The following NBAS variants were observed in gnomAD, a reference collection of about 807,000 sequenced individuals.
NBAS encodes the protein NBAS subunit of NRZ tethering complex, also known as NAG/BC035112 fusion.
In NBAS, 219 loss-of-function variants were observed where a neutral mutation model predicts 302.5. That is an observed-to-expected ratio of 0.72 (90% confidence interval 0.65 to 0.81). NBAS has a LOEUF of 0.81. Among genes scored for constraint, NBAS ranks in the 30% least tolerant of loss-of-function variants. The pLI is 0.00. For synonymous variants in NBAS, 1,118 were observed against 1,021.6 expected, an observed-to-expected ratio of 1.09 and a Z score of -1.80; for missense variants, 2,932 against 2,841.6, an observed-to-expected ratio of 1.03 and a Z score of -0.72.
intron 47 of NBAS, among the ~76,000 whole-genome samples, chr2:15,219,760 A>AT (rs577389885): frequency 0.066 from 8,301 of 126,508 alleles, 146 homozygotes; most frequent in East Asian, 0.12. Context: ...CGATTTCTCA[A>AT]TTTTTTCCCC....
chr2:15,012,025 A>G, the NBAS span, among the ~76,000 whole-genome samples: 1 of 152,192 alleles, frequency 6.6e-6, no homozygotes, highest in Non-Finnish European at 1.5e-5. Flanking sequence ...GCAAGGAAAC[A>G]TGACACCTCC....
chr2:15,457,165 A>C (rs7598936), intron 21 of NBAS, among the ~76,000 whole-genome samples: 1 of 151,704 alleles, frequency 6.6e-6, no homozygotes, highest in South Asian at 2.1e-4. Context: ...GCCTCCTAAC[A>C]GCTGGCTGAA....
At chr2:15,417,765 T>C (rs1365800829) in intron 23 of NBAS, 53 bp from the exon 24 acceptor site, 1 of 1,542,522 alleles carries the variant, frequency 6.5e-7, no homozygotes, top group African/African-American at 1.4e-5. Flanking sequence ...TTCTCATCTA[T>C]TCTAAAGTAA....
At chr2:15,063,421 A>G in the NBAS span, among the ~76,000 whole-genome samples, 1 of 151,864 alleles carries the variant, frequency 6.6e-6, no homozygotes, top group African/African-American at 2.4e-5. Context: ...TTCTTTAGGT[A>G]TCTCCATCTA....
intron 21 of NBAS, among the ~76,000 whole-genome samples, chr2:15,455,894 A>G (rs1306676682): frequency 6.6e-6 from 1 of 152,080 alleles, no homozygotes; most frequent in Non-Finnish European, 1.5e-5. Context: ...TGAAAAATCT[A>G]AATAATCTTT....
At chr2:15,415,421 C>A in intron 25 of NBAS, 125 bp downstream of exon 25, 1 of 853,398 alleles carries the variant, frequency 1.2e-6, no homozygotes, top group Non-Finnish European at 1.9e-6. Flanking sequence ...AATAAAATGA[C>A]AATCATTTGT....
At chr2:15,069,183 G>A in the NBAS span, among the ~76,000 whole-genome samples, 5 of 152,144 alleles carry the variant, frequency 3.3e-5, no homozygotes, top group Non-Finnish European at 4.4e-5. Flanking sequence ...CTTTTGGAGG[G>A]GACAGATATT....
chr2:15,529,562 C>T (rs1160415694), intron 9 of NBAS, among the ~76,000 whole-genome samples: 1 of 151,970 alleles, frequency 6.6e-6, no homozygotes, highest in Non-Finnish European at 1.5e-5. Flanking sequence ...AGGAAGAAAC[C>T]TCACTTAAAC....
At chr2:14,795,189 C>A in the NBAS span, among the ~76,000 whole-genome samples, 1 of 152,012 alleles carries the variant, frequency 6.6e-6, no homozygotes, top group Non-Finnish European at 1.5e-5. Context: ...AAGTGTTTTC[C>A]AAAGTGTTGT....
chr2:15,475,890 G>GA lies in NBAS; in HGVS notation c.1148-11dup. 1 of 1,602,260 alleles carries GA rather than the reference G, an allele frequency of 6.2e-7. No individual in the cohort carries two copies. The highest frequency in any genetic ancestry group is 1.1e-5 in the South Asian group (1 of 90,092). On this transcript the variant is annotated splice_polypyrimidine_tract_variant and intron_variant, in intron 13 of 51. Transcript: ENST00000281513. ...TAAAAGGACTCTTTATCTAAGAAGC[G>GA]AAAAACAAATCAATACAAATGCATC...
intron 51 of NBAS, among the ~76,000 whole-genome samples, chr2:15,176,651 G>A (rs942929028): frequency 4.6e-5 from 7 of 152,168 alleles, no homozygotes; most frequent in African/African-American, 7.2e-5. Flanking sequence ...ATACTTACTT[G>A]TTGAGTATTC....
the NBAS span, among the ~76,000 whole-genome samples, chr2:14,820,791 C>A: frequency 6.6e-6 from 1 of 152,186 alleles, no homozygotes; most frequent in Admixed American, 6.5e-5. Flanking sequence ...TAGGATGGAG[C>A]CTGAACAGTC....
At chr2:15,377,921 C>T (rs1038456335) in intron 30 of NBAS, among the ~76,000 whole-genome samples, 1 of 152,170 alleles carries the variant, frequency 6.6e-6, no homozygotes, top group Non-Finnish European at 1.5e-5. Flanking sequence ...TATTTAAATA[C>T]TGAGTGGATA....
intron 35 of NBAS, among the ~76,000 whole-genome samples, chr2:15,348,549 C>T (rs535978042): frequency 1.1e-4 from 16 of 152,096 alleles, no homozygotes; most frequent in African/African-American, 3.9e-4. Flanking sequence ...AAAGAACAAG[C>T]GGGTTCCAAA....
the NBAS span, among the ~76,000 whole-genome samples, chr2:15,144,051 A>ATATATATATATTATCC: frequency 1.5e-4 from 21 of 136,560 alleles, 3 homozygotes; most frequent in East Asian, 1.6e-3. Context: ...ATATAAAAAT[A>ATATATATATATTATCC]TATATATATA....
intron 26 of NBAS, among the ~76,000 whole-genome samples, chr2:15,400,872 A>T (rs555009257): frequency 2.6e-5 from 4 of 152,338 alleles, no homozygotes; most frequent in African/African-American, 9.6e-5. Context: ...CACATTCAGT[A>T]GTTGTCTTAC....
At chr2:15,398,938 A>G (rs902757098) in intron 26 of NBAS, among the ~76,000 whole-genome samples, 1 of 152,194 alleles carries the variant, frequency 6.6e-6, no homozygotes, top group Admixed American at 6.5e-5. Context: ...TGAAGCCAAG[A>G]AAAGCTTTTG....
At chr2:15,269,384 T>C (rs1669218413) in intron 44 of NBAS, among the ~76,000 whole-genome samples, 1 of 152,220 alleles carries the variant, frequency 6.6e-6, no homozygotes, top group Non-Finnish European at 1.5e-5. Context: ...CAGGGTTGCC[T>C]ATTTGAATTG....
chr2:15,043,483 T>C, the NBAS span, among the ~76,000 whole-genome samples: 3 of 152,104 alleles, frequency 2.0e-5, no homozygotes, highest in Admixed American at 1.3e-4. Flanking sequence ...CAAGCTAAGG[T>C]CCAACCATCT....
Sources: allele counts gnomAD v4.1 joint callset (sites outside exome capture counted in the v4.1 genomes callset), GRCh38; gene constraint gnomAD v4.1.1; transcripts MANE v1.5; gene names NCBI Gene and HGNC (gene_info 2026-07-23, HGNC 2026-07-21).